RALYL: variants seen among roughly 807,000 people sequenced by gnomAD.
RALYL encodes the protein RNA-binding Raly-like protein.
Under a neutral mutation model 35.1 loss-of-function variants are expected in RALYL, and 29 were observed. That is an observed-to-expected ratio of 0.83 (90% CI 0.61 to 1.13). RALYL has a LOEUF of 1.13. Ranked by LOEUF, RALYL falls within the 50% of genes most tolerant of loss-of-function variation. The probability of loss-of-function intolerance (pLI) is 0.00; values close to 1 mark genes in which losing one functional copy is unlikely to be tolerated. For missense variants in RALYL, 359 were observed against 360.4 expected (o/e 1.00, Z 0.03); for synonymous variants, 120 against 127.6 (o/e 0.94, Z 0.40).
chr8:84,636,045 A>T (rs1000684061), intron 2 of RALYL, among the ~76,000 whole-genome samples: 1 of 151,774 alleles, frequency 6.6e-6, no homozygotes, highest in African/African-American at 2.4e-5. Flanking sequence ...ACCTCTTTCT[A>T]TAATGTAAAG....
chr8:84,742,761 G>A (rs1278867720), intron 2 of RALYL, among the ~76,000 whole-genome samples: 2 of 152,060 alleles, frequency 1.3e-5, no homozygotes, highest in Admixed American at 1.3e-4. Flanking sequence ...TTACATATTG[G>A]TTTTGGTGAA....
intron 6 of RALYL, chr8:84,864,742 C>T: frequency 1.7e-6 from 1 of 584,890 alleles, no homozygotes; most frequent in Non-Finnish European, 3.3e-6. Context: ...GCTTGGCAGG[C>T]CTGGTTTACA....
intron 7 of RALYL, among the ~76,000 whole-genome samples, chr8:84,885,325 G>C (rs1427066): frequency 0.46 from 69,802 of 151,710 alleles, 19,121 homozygotes; most frequent in African/African-American, 0.75. Flanking sequence ...CTTTAACTCA[G>C]TTTTACCTTC....
intron 1 of RALYL, among the ~76,000 whole-genome samples, chr8:84,372,886 G>GTTTTTTTTTTTTTGTTTTGT (rs1856071710): frequency 5.1e-5 from 2 of 39,064 alleles, no homozygotes; most frequent in African/African-American, 1.1e-4. Context: ...GCCAGCATCT[G>GTTTTTTTTTTTTTGTTTTGT]TTTTTTTTTT....
At chr8:84,560,416 T>TAA (rs2061405339) in intron 2 of RALYL, among the ~76,000 whole-genome samples, 1 of 152,006 alleles carries the variant, frequency 6.6e-6, no homozygotes, top group Non-Finnish European at 1.5e-5. Flanking sequence ...CCATGGGTAT[T>TAA]TCTATAGATA....
At chr8:84,565,232 A>G (rs2061702821) in intron 2 of RALYL, among the ~76,000 whole-genome samples, 1 of 151,634 alleles carries the variant, frequency 6.6e-6, no homozygotes, top group Non-Finnish European at 1.5e-5. Flanking sequence ...TTGAGTGCAG[A>G]AGCTCAACCA....
At chr8:84,231,518 G>A (rs1825342709) in intron 1 of RALYL, among the ~76,000 whole-genome samples, 2 of 152,246 alleles carry the variant, frequency 1.3e-5, no homozygotes, top group Admixed American at 6.5e-5. Flanking sequence ...TGCCATGAAA[G>A]GGGCCACACT....
chr8:84,669,474 T>TCCCCCCCCCC (rs1278810401), intron 2 of RALYL, among the ~76,000 whole-genome samples: 1 of 30,932 alleles, frequency 3.2e-5, no homozygotes, highest in Non-Finnish European at 7.3e-5. Flanking sequence ...GCCCACATCT[T>TCCCCCCCCCC]CTCCCTCCCC....
At chr8:84,843,760 C>A (rs1399227529) in intron 4 of RALYL, among the ~76,000 whole-genome samples, 1 of 152,104 alleles carries the variant, frequency 6.6e-6, no homozygotes, top group African/African-American at 2.4e-5. Context: ...GTACTGGTAC[C>A]AAAACAGTGA....
intron 1 of RALYL, among the ~76,000 whole-genome samples, chr8:84,415,936 T>G (rs317952): frequency 0.52 from 79,617 of 152,016 alleles, 21,021 homozygotes; most frequent in South Asian, 0.62. Flanking sequence ...ATCTTTTCAT[T>G]GTCAAGTCGC....
intron 1 of RALYL, among the ~76,000 whole-genome samples, chr8:84,427,002 T>C (rs2046557839): frequency 6.6e-6 from 1 of 152,218 alleles, no homozygotes; most frequent in African/African-American, 2.4e-5. Flanking sequence ...TCCCATGTCA[T>C]GTTCATTGTA....
At chr8:84,518,771 C>T (rs1384699437) in intron 1 of RALYL, among the ~76,000 whole-genome samples, 2 of 152,178 alleles carry the variant, frequency 1.3e-5, no homozygotes, top group Non-Finnish European at 2.9e-5. Context: ...AGTTGTGCAT[C>T]TCTGTGGCCA....
intron 1 of RALYL, among the ~76,000 whole-genome samples, chr8:84,320,855 C>T (rs540123772): frequency 1.3e-4 from 20 of 151,628 alleles, no homozygotes; most frequent in Non-Finnish European, 2.7e-4. Context: ...TTTTTTTTCT[C>T]TTTCTACAGT....
chr8:84,695,563 T>C (rs1449363044), intron 2 of RALYL, among the ~76,000 whole-genome samples: 1 of 151,872 alleles, frequency 6.6e-6, no homozygotes, highest in African/African-American at 2.4e-5. Context: ...ATCACATATC[T>C]ATTATAAGCA....
chr8:84,250,214 T>A (rs1243494628), intron 1 of RALYL, among the ~76,000 whole-genome samples: 1 of 152,122 alleles, frequency 6.6e-6, no homozygotes, highest in East Asian at 1.9e-4. Context: ...TTCTAAAATT[T>A]AAAAAAATCT....
At chr8:84,304,378 A>T (rs1586108335) in intron 1 of RALYL, among the ~76,000 whole-genome samples, 1 of 152,004 alleles carries the variant, frequency 6.6e-6, no homozygotes, top group East Asian at 1.9e-4. Context: ...CTGCCTCCCT[A>T]AAGGTTTATT....
At chr8:84,590,580 G>A (rs1398642776) in intron 2 of RALYL, among the ~76,000 whole-genome samples, 1 of 152,176 alleles carries the variant, frequency 6.6e-6, no homozygotes, top group African/African-American at 2.4e-5. Context: ...ACGCTCATGT[G>A]GAAGGAGGAT....
At chr8:84,581,065 C>T (rs1240542672) in intron 2 of RALYL, among the ~76,000 whole-genome samples, 1 of 152,164 alleles carries the variant, frequency 6.6e-6, no homozygotes, top group East Asian at 1.9e-4. Flanking sequence ...CACTGCTTGG[C>T]ATCTGAGATT....
At chr8:84,518,878 C>T (rs775634242) in intron 1 of RALYL, among the ~76,000 whole-genome samples, 1 of 152,096 alleles carries the variant, frequency 6.6e-6, no homozygotes, top group Non-Finnish European at 1.5e-5. Flanking sequence ...TAGAATGGAC[C>T]TATTAACTAG....
Sources: gnomAD v4.1 joint callset for allele counts (sites outside exome capture counted in the v4.1 genomes callset) on GRCh38, gnomAD v4.1.1 for gene constraint, MANE v1.5 for transcripts, NCBI Gene and HGNC (gene_info 2026-07-23, HGNC 2026-07-21) for gene names.